The following NEIL1 variants were observed in gnomAD, a reference collection of about 807,000 sequenced individuals.
The protein encoded by NEIL1 is nei like DNA glycosylase 1.
Under a neutral mutation model 44.2 loss-of-function variants are expected in NEIL1, and 31 were observed. That is an observed-to-expected ratio of 0.70 (90% CI 0.53 to 0.95). The LOEUF is 0.95. Among genes scored for constraint, NEIL1 ranks in the 40% least tolerant of loss-of-function variants. The pLI is 0.00. For synonymous variants in NEIL1, 254 were observed against 209.7 expected (o/e 1.21, Z -1.83); for missense variants, 549 against 515.5 (o/e 1.07, Z -0.63).
intron 4 of NEIL1, 76 bp downstream of exon 4, chr15:75,352,463 T>A (rs2071992033): frequency 6.4e-6 from 10 of 1,573,806 alleles, no homozygotes; most frequent in Non-Finnish European, 8.7e-6. Context: ...ATGGGTGGGG[T>A]CAGGTGTCCC....
At chr15:75,352,459 G>A in intron 4 of NEIL1, 72 bp downstream of exon 4, 1 of 1,587,626 alleles carries the variant, frequency 6.3e-7, no homozygotes, top group Admixed American at 1.7e-5. Context: ...GGAGATGGGT[G>A]GGGTCAGGTG....
chr15:75,348,320 C>T, intron 1 of NEIL1: 5 of 986,144 alleles, frequency 5.1e-6, no homozygotes, highest in Non-Finnish European at 6.0e-6. Context: ...CCGAGCTTCG[C>T]TCTTTCCCTC....
At chr15:75,347,827 A>C (rs909952235) in intron 1 of NEIL1, 24 of 1,159,800 alleles carry the variant, frequency 2.1e-5, no homozygotes, top group Non-Finnish European at 2.4e-5. Context: ...GCTCCTCCCC[A>C]AAACTAGGAT....
intron 1 of NEIL1, chr15:75,347,874 G>A: frequency 8.3e-7 from 1 of 1,201,204 alleles, no homozygotes. Context: ...CGAGCCCTGT[G>A]GGTGCCAGGC....
At chr15:75,353,193 C>T (rs528654151) in intron 5 of NEIL1, 1 of 181,510 alleles carries the variant, frequency 5.5e-6, no homozygotes, top group African/African-American at 2.4e-5. Context: ...GCCCATGAGA[C>T]AGGCAGGACA....
intron 5 of NEIL1, chr15:75,353,382 G>A (rs1033979809): frequency 2.7e-5 from 9 of 336,686 alleles, no homozygotes; most frequent in Admixed American, 7.6e-5. Context: ...CCACCACACC[G>A]GGCTAATTGT....
Position 75,349,053 on chromosome 15 carries a change from T to A in NEIL1, c.148T>A (p.Ser50Thr), listed in dbSNP as rs755754549. Residue 50 changes from serine (S) to threonine (T), a missense_variant, in exon 2 of 10, where the codon TCA becomes ACA. Transcript: ENST00000355059. ...FESSAYRISA[S>T]ARGKELRLIL... ...GAGCAGTGCCTACCGCATCTCAGCT[T>A]CAGCCCGCGGCAAGGAGCTGCGCCT... is the stretch of plus-strand genomic sequence containing the variant. 48 of 1,613,486 alleles carry A rather than the reference T, an allele frequency of 3.0e-5. No homozygotes were observed. The highest frequency in any genetic ancestry group is 3.8e-5 in the Non-Finnish European group (45 of 1,179,996).
At position 75,356,160 on chromosome 15, in the gene NEIL1, G is replaced by A. The variant is rs764882521; in HGVS notation, c.*1126G>A. On this transcript the variant is annotated 3_prime_UTR_variant, in exon 10 of 10. Coordinates refer to ENST00000355059, the MANE Select transcript of NEIL1 (RefSeq NM_024608.4). This position sits in a 1 kb window ranked among gnomAD's most constrained non-coding sequence, Gnocchi z 5.8. ...ACAAGTGCAGCCAGCAGTCCACGTG[G>A]CTGCCGTGGGCCTCATACAGCCTCA... is the stretch of plus-strand genomic sequence containing the variant. 2 of 1,613,514 alleles carry A rather than the reference G, an allele frequency of 1.2e-6. No homozygotes were observed. The highest frequency in any genetic ancestry group is 2.7e-5 in the African/African-American group (2 of 74,932).
chr15:75,350,642 A>G (rs1014743143), intron 2 of NEIL1, among the ~76,000 whole-genome samples: 2 of 152,108 alleles, frequency 1.3e-5, no homozygotes, highest in African/African-American at 2.4e-5. Context: ...GGTGCCTTAG[A>G]AGAAAGTTGA....
At chr15:75,348,597 A>C in intron 1 of NEIL1, 1 of 1,271,658 alleles carries the variant, frequency 7.9e-7, no homozygotes, top group Non-Finnish European at 1.0e-6. Flanking sequence ...GCGGCCCCGC[A>C]AGGATTGGGA....
chr15:75,348,203 C>T, intron 1 of NEIL1: 1 of 722,346 alleles, frequency 1.4e-6, no homozygotes, highest in Non-Finnish European at 1.7e-6. Flanking sequence ...CTGGCCCCTG[C>T]CCTGACCCGG....
At chr15:75,353,002 G>A (rs2141315855) in intron 5 of NEIL1, 1 of 315,854 alleles carries the variant, frequency 3.2e-6, no homozygotes, top group Non-Finnish European at 6.1e-6. Flanking sequence ...TTAGCCAGGT[G>A]TGGTGGTGGG....
At chr15:75,354,174 G>C in intron 6 of NEIL1, 76 bp from the exon 7 acceptor site, 2 of 1,510,488 alleles carry the variant, frequency 1.3e-6, no homozygotes, top group Non-Finnish European at 1.8e-6. Context: ...GGGTGTGTGT[G>C]AGTCCTGCCT....
chr15:75,350,205 G>C (rs1239225800), intron 2 of NEIL1, among the ~76,000 whole-genome samples: 2 of 152,206 alleles, frequency 1.3e-5, no homozygotes, highest in African/African-American at 4.8e-5. Flanking sequence ...GCACAGTGTT[G>C]GCCACTTCCT....
chr15:75,356,230 ACACGT>A lies in NEIL1; in HGVS notation c.*1198_*1202del. ...GGGGCTGCTCTCCGCCTGCAGAGGA[ACACGT>A]CTGGTGGGAGGGGCCGAGGGCAGGC... is the stretch of plus-strand genomic sequence containing the variant. On this transcript the variant is annotated 3_prime_UTR_variant, in exon 10 of 10. Transcript: ENST00000355059. The surrounding 1 kb of genome is among the most constrained non-coding windows in gnomAD (Gnocchi z 5.8). 6.2e-7 allele frequency: 1 copy of A among 1,613,024 alleles called. No homozygotes were observed. Among genetic ancestry groups the A allele is most frequent in the Non-Finnish European group, 8.5e-7 (1 of 1,179,754 alleles).
chr15:75,353,707 C>T, intron 5 of NEIL1, 32 bp from the exon 6 acceptor site: 1 of 1,613,580 alleles, frequency 6.2e-7, no homozygotes. Context: ...TGAGCCTGCC[C>T]TCTGATCTCT....
intron 1 of NEIL1, chr15:75,348,644 G>A: frequency 2.9e-6 from 4 of 1,384,040 alleles, no homozygotes; most frequent in South Asian, 3.4e-5. Context: ...ATGGAAGGAA[G>A]CGGTTAGCAG....
intron 6 of NEIL1, 86 bp from the exon 7 acceptor site, chr15:75,354,164 G>A (rs2072159053): frequency 7.0e-7 from 1 of 1,421,250 alleles, no homozygotes. Flanking sequence ...TGATCTGGAT[G>A]GGTGTGTGTG....
At chr15:75,348,204 C>T (rs1224882718) in intron 1 of NEIL1, 1 of 729,782 alleles carries the variant, frequency 1.4e-6, no homozygotes, top group East Asian at 1.3e-4. Flanking sequence ...TGGCCCCTGC[C>T]CTGACCCGGG....
Sources: gnomAD v4.1 joint callset for allele counts (sites outside exome capture counted in the v4.1 genomes callset) on GRCh38, gnomAD v4.1.1 for gene constraint, Gnocchi (gnomAD v3.1) non-coding constraint, MANE v1.5 for transcripts, NCBI Gene and HGNC (gene_info 2026-07-23, HGNC 2026-07-21) for gene names.